Variants in KCNH5 observed in about 807,000 individuals in gnomAD.
The protein encoded by KCNH5 is voltage-gated delayed rectifier potassium channel KCNH5.
In KCNH5, 46 loss-of-function variants were observed where a neutral mutation model predicts 96.1. The observed-to-expected ratio is 0.48, with a 90% CI of 0.38 to 0.61. The LOEUF is 0.61. KCNH5 is among the 20% of genes least tolerant of loss of function. The pLI is 0.00. For missense variants in KCNH5, 907 were observed against 1,225.8 expected (o/e 0.74, Z 3.88); for synonymous variants, 439 against 449.8 (o/e 0.98, Z 0.30).
chr14:62,924,424 A>T (rs8004986), intron 7 of KCNH5, among the ~76,000 whole-genome samples: 3,133 of 152,108 alleles, frequency 0.021, 60 homozygotes, highest in East Asian at 0.083. Context: ...TTCCTCAAAA[A>T]ATTAAAAATA....
At position 62,855,157 on chromosome 14, in the gene KCNH5, C is replaced by T. The variant is rs893360388; in HGVS notation, c.1370-5305G>A. Among the ~76,000 whole-genome samples, 9 of 152,102 alleles carry T rather than the reference C, an allele frequency of 5.9e-5. No homozygotes were observed. The East Asian group carries it at 1.6e-3, about 27-fold the overall frequency. ...CCCACATAGAGAAGAATAAAGGCCCCTGGCCAATAGCTTTGGCTGAACTCC... is the reference window on the plus strand; with the variant it reads ...CCCACATAGAGAAGAATAAAGGCCCTTGGCCAATAGCTTTGGCTGAACTCC... On this transcript the variant is annotated intron_variant, in intron 7 of 10. Coordinates refer to ENST00000322893, the MANE Select transcript of KCNH5 (RefSeq NM_139318.5).
chr14:62,974,612 G>A (rs902442387), intron 6 of KCNH5, among the ~76,000 whole-genome samples: 4 of 152,136 alleles, frequency 2.6e-5, no homozygotes, highest in Non-Finnish European at 5.9e-5. Context: ...CCTTCAGAGA[G>A]CGTGTCGACA....
intron 10 of KCNH5, among the ~76,000 whole-genome samples, chr14:62,725,025 T>C (rs1394073025): frequency 6.6e-6 from 1 of 152,210 alleles, no homozygotes; most frequent in Non-Finnish European, 1.5e-5. Context: ...TGTGCATTAT[T>C]GAGGCATGAA....
At position 62,707,766 on chromosome 14, in the gene KCNH5, C is replaced by T. The variant is rs1247884762; in HGVS notation, c.2709G>A (p.Glu903=). 3.7e-6 allele frequency: 6 copies of T among 1,614,098 alleles called. No individual in the cohort carries two copies. In the East Asian group the frequency reaches 1.3e-4, roughly 36 times the overall value. ...DAKHPFYPIP[E]QALQTTLQEV... ...CCTGCAGTGTGGTCTGTAAGGCCTGCTCGGGGATGGGATAAAAGGGGTGCT... is the reference window on the plus strand; with the variant it reads ...CCTGCAGTGTGGTCTGTAAGGCCTGTTCGGGGATGGGATAAAAGGGGTGCT... Residue 903 remains glutamate, a synonymous_variant, in exon 11 of 11, where the codon GAG becomes GAA. Transcript: ENST00000322893.
intron 8 of KCNH5, among the ~76,000 whole-genome samples, chr14:62,819,831 C>T (rs538324248): frequency 6.6e-6 from 1 of 152,258 alleles, no homozygotes; most frequent in African/African-American, 2.4e-5. Context: ...ATATACCTTT[C>T]TATGATAAAA....
intron 9 of KCNH5, among the ~76,000 whole-genome samples, chr14:62,799,332 T>G (rs888107767): frequency 7.9e-5 from 12 of 151,942 alleles, no homozygotes; most frequent in African/African-American, 2.7e-4. Flanking sequence ...ATCCCAGCAC[T>G]TTGGGAGGCC....
chr14:62,874,077 C>T (rs191599110), intron 7 of KCNH5, among the ~76,000 whole-genome samples: 18 of 152,230 alleles, frequency 1.2e-4, no homozygotes, highest in Non-Finnish European at 2.1e-4. Flanking sequence ...AAGAACTGAA[C>T]GTGGACTAAA....
At chr14:62,974,117 T>A (rs1890458687) in intron 6 of KCNH5, among the ~76,000 whole-genome samples, 1 of 152,146 alleles carries the variant, frequency 6.6e-6, no homozygotes. Context: ...TAAAAGTATT[T>A]ATATACTTCC....
chr14:62,730,492 C>T (rs1412831580), intron 10 of KCNH5, among the ~76,000 whole-genome samples: 1 of 152,190 alleles, frequency 6.6e-6, no homozygotes, highest in Non-Finnish European at 1.5e-5. Flanking sequence ...GGATCAATTA[C>T]TACAATCAAT....
At chr14:62,774,926 T>C (rs1022241283) in intron 10 of KCNH5, among the ~76,000 whole-genome samples, 1 of 152,184 alleles carries the variant, frequency 6.6e-6, no homozygotes, top group Non-Finnish European at 1.5e-5. Context: ...TTAAAAGAAT[T>C]GCTCTAAATG....
At chr14:62,908,794 T>C (rs1478318905) in intron 7 of KCNH5, among the ~76,000 whole-genome samples, 3 of 126,122 alleles carry the variant, frequency 2.4e-5, no homozygotes, top group Non-Finnish European at 5.0e-5. Context: ...TTTTTTTTTT[T>C]TTTTTTTTTT....
At chr14:62,756,332 C>T (rs183856023) in intron 10 of KCNH5, among the ~76,000 whole-genome samples, 1 of 152,066 alleles carries the variant, frequency 6.6e-6, no homozygotes, top group African/African-American at 2.4e-5. Flanking sequence ...ATTCCATGTT[C>T]ATAGATTGGA....
intron 7 of KCNH5, among the ~76,000 whole-genome samples, chr14:62,921,739 G>A (rs2355745): frequency 1.3e-5 from 2 of 152,072 alleles, no homozygotes; most frequent in South Asian, 2.1e-4. Context: ...AATGAGTCAC[G>A]ACTGACCTGG....
chr14:62,788,484 T>C (rs1440180559), intron 9 of KCNH5, among the ~76,000 whole-genome samples: 1 of 152,196 alleles, frequency 6.6e-6, no homozygotes, highest in Non-Finnish European at 1.5e-5. Context: ...TAAACTCAGT[T>C]GATCAGACAG....
chr14:63,016,995 T>G, intron 1 of KCNH5, 41 bp from the exon 2 acceptor site: 2 of 1,583,004 alleles, frequency 1.3e-6, no homozygotes, highest in South Asian at 2.3e-5. Context: ...TTTAGCTTAA[T>G]TCAACAATGC....
intron 10 of KCNH5, among the ~76,000 whole-genome samples, chr14:62,772,360 C>T (rs56397364): frequency 0.13 from 20,388 of 151,950 alleles, 1,537 homozygotes; most frequent in Non-Finnish European, 0.17. Flanking sequence ...AAGTAGCAGG[C>T]GGGCCCTGTG....
At chr14:62,825,494 A>C (rs745718564) in intron 8 of KCNH5, among the ~76,000 whole-genome samples, 1 of 152,076 alleles carries the variant, frequency 6.6e-6, no homozygotes, top group Non-Finnish European at 1.5e-5. Context: ...TCCTTCCAGA[A>C]GACAAAGAAA....
At chr14:63,039,420 T>C (rs1422240392) in intron 1 of KCNH5, among the ~76,000 whole-genome samples, 1 of 152,102 alleles carries the variant, frequency 6.6e-6, no homozygotes, top group Non-Finnish European at 1.5e-5. Flanking sequence ...ACTATAAATC[T>C]GTAAACTATC....
intron 5 of KCNH5, among the ~76,000 whole-genome samples, chr14:62,986,461 C>T (rs1177006726): frequency 1.3e-5 from 2 of 152,138 alleles, no homozygotes; most frequent in South Asian, 4.1e-4. Flanking sequence ...CACCATACTA[C>T]CTCATCTCTG....
Sources: gnomAD v4.1 joint callset for allele counts (sites outside exome capture counted in the v4.1 genomes callset) on GRCh38, gnomAD v4.1.1 for gene constraint, MANE v1.5 for transcripts, NCBI Gene and HGNC (gene_info 2026-07-23, HGNC 2026-07-21) for gene names.